The following SMARCAD1 variants were observed in gnomAD, a reference collection of about 807,000 sequenced individuals.
SMARCAD1 encodes SNF2 related chromatin remodeling ATPase with DExD box 1.
In SMARCAD1, 25 loss-of-function variants were observed where a neutral mutation model predicts 127.1. The observed-to-expected ratio is 0.20, with a 90% CI of 0.14 to 0.27. The LOEUF (loss-of-function observed/expected upper bound fraction) is 0.27. Among genes scored for constraint, SMARCAD1 ranks in the 10% least tolerant of loss-of-function variants. The pLI, the probability that SMARCAD1 is intolerant of heterozygous loss-of-function variation, is 1.00. For synonymous variants in SMARCAD1, 400 were observed against 396.9 expected, an observed-to-expected ratio of 1.01 and a Z score of -0.09; for missense variants, 807 against 1,206.0, an observed-to-expected ratio of 0.67 and a Z score of 4.90.
intron 2 of SMARCAD1, among the ~76,000 whole-genome samples, chr4:94,209,269 C>A (rs188211754): frequency 6.6e-6 from 1 of 152,316 alleles, no homozygotes; most frequent in East Asian, 1.9e-4. Flanking sequence ...ATAAGTGCTT[C>A]ACCTTCTGTC....
At chr4:94,210,552 A>G (rs1742040689) in intron 2 of SMARCAD1, among the ~76,000 whole-genome samples, 1 of 152,190 alleles carries the variant, frequency 6.6e-6, no homozygotes, top group African/African-American at 2.4e-5. Context: ...AATTGAGCTT[A>G]ATGATAGCGG....
intron 2 of SMARCAD1, among the ~76,000 whole-genome samples, chr4:94,210,237 C>T (rs1741981104): frequency 6.6e-6 from 1 of 152,114 alleles, no homozygotes; most frequent in Non-Finnish European, 1.5e-5. Context: ...CATGATCAGC[C>T]TTGATGGCTT....
At position 94,266,765 on chromosome 4, in the gene SMARCAD1, G is replaced by A. The variant is rs565406701; in HGVS notation, c.1481+1859G>A. 1.1e-4 allele frequency among the ~76,000 whole-genome samples: 17 copies of A among 152,210 alleles called. No individual in the cohort carries two copies. The South Asian group carries it at 1.9e-3, about 17-fold the overall frequency. On this transcript the variant is annotated intron_variant, in intron 10 of 23. Coordinates refer to ENST00000354268, the MANE Select transcript of SMARCAD1 (RefSeq NM_020159.5). ...CTAAACAGAACAAGTTCTTCATGAC[G>A]AAGTTTACTTTGCTACAAACTGTTG... is the stretch of plus-strand genomic sequence containing the variant.
chr4:94,208,261 T>C (rs768288875), intron 1 of SMARCAD1, 85 bp from the exon 2 acceptor site: 66 of 971,840 alleles, frequency 6.8e-5, no homozygotes, highest in Admixed American at 1.0e-4. Context: ...GCGGGCCCTT[T>C]ATTGCCTTGG....
chr4:94,222,714 A>G (rs7660243), intron 2 of SMARCAD1, among the ~76,000 whole-genome samples: 1 of 152,068 alleles, frequency 6.6e-6, no homozygotes, highest in Non-Finnish European at 1.5e-5. Flanking sequence ...TGTAATCCCA[A>G]CATTTCAGGA....
intron 9 of SMARCAD1, among the ~76,000 whole-genome samples, chr4:94,261,214 T>G (rs561737817): frequency 2.5e-4 from 38 of 152,328 alleles, no homozygotes; most frequent in African/African-American, 9.1e-4. Context: ...ATATATCCAC[T>G]TAGTATAATC....
intron 9 of SMARCAD1, among the ~76,000 whole-genome samples, chr4:94,254,009 A>G (rs999658388): frequency 6.6e-6 from 1 of 152,206 alleles, no homozygotes; most frequent in African/African-American, 2.4e-5. Context: ...AAACAAATCT[A>G]AATGAGCATT....
intron 2 of SMARCAD1, among the ~76,000 whole-genome samples, chr4:94,222,706 T>G (rs1744334537): frequency 6.6e-6 from 1 of 152,196 alleles, no homozygotes; most frequent in Admixed American, 6.5e-5. Context: ...CTCACACCTG[T>G]AATCCCAACA....
chr4:94,253,270 A>G (rs977121406), intron 9 of SMARCAD1: 1 of 1,450,854 alleles, frequency 6.9e-7, no homozygotes, highest in African/African-American at 1.4e-5. Context: ...TTGCATAGAA[A>G]CTTCGTTCAT....
Position 94,273,785 on chromosome 4 carries a change from A to T in SMARCAD1, c.1672+69A>T. 3.2e-6 allele frequency: 4 copies of T among 1,252,366 alleles called. No individual in the cohort carries two copies. The South Asian group carries it at 3.7e-5, about 12-fold the overall frequency. 77.6% of individuals were successfully genotyped at this position (1,252,366 alleles called of 1,614,324 possible). A position where few individuals can be genotyped will look rare whatever the true frequency, so the allele number is the denominator to read the frequency against. On this transcript the variant is annotated intron_variant, in intron 12 of 23. Transcript: ENST00000354268. ...TATATAGGTAGAAGAGAGTGTGTGT[A>T]AGGGTGTGTGTCGGAGGGGTGTTGT...
At chr4:94,241,129 G>A (rs1747515921) in intron 6 of SMARCAD1, 123 bp downstream of exon 6, 1 of 692,666 alleles carries the variant, frequency 1.4e-6, no homozygotes, top group African/African-American at 1.8e-5. Context: ...ACAACTAAGG[G>A]AATTTACGTC....
At chr4:94,272,049 C>T (rs980924742) in intron 11 of SMARCAD1, among the ~76,000 whole-genome samples, 1 of 152,124 alleles carries the variant, frequency 6.6e-6, no homozygotes, top group African/African-American at 2.4e-5. Flanking sequence ...ATGAGTGTAT[C>T]GGTAGCTTGC....
chr4:94,237,633 A>T (rs975726479), intron 5 of SMARCAD1, among the ~76,000 whole-genome samples: 1 of 152,134 alleles, frequency 6.6e-6, no homozygotes, highest in Non-Finnish European at 1.5e-5. Flanking sequence ...TTTCCTGCTT[A>T]TATACACTGG....
chr4:94,272,047 A>G (rs958720967), intron 11 of SMARCAD1, among the ~76,000 whole-genome samples: 2 of 152,192 alleles, frequency 1.3e-5, no homozygotes, highest in African/African-American at 4.8e-5. Context: ...AGATGAGTGT[A>G]TCGGTAGCTT....
intron 3 of SMARCAD1, among the ~76,000 whole-genome samples, chr4:94,229,016 G>A (rs1695042896): frequency 6.6e-6 from 1 of 152,020 alleles, no homozygotes; most frequent in Admixed American, 6.6e-5. Flanking sequence ...GTCGTCCTCA[G>A]TGTGTCATAT....
At chr4:94,258,143 C>T (rs1456556416) in intron 9 of SMARCAD1, among the ~76,000 whole-genome samples, 1 of 151,236 alleles carries the variant, frequency 6.6e-6, no homozygotes, top group Admixed American at 6.6e-5. Context: ...CTAAATTTCC[C>T]ATCAGATTTT....
chr4:94,231,162 GT>G (rs1309347447), intron 3 of SMARCAD1, among the ~76,000 whole-genome samples: 1 of 152,154 alleles, frequency 6.6e-6, no homozygotes, highest in Non-Finnish European at 1.5e-5. Flanking sequence ...GGAGAATGGG[GT>G]TTTTTGTTTG....
chr4:94,213,351 A>C (rs1221240297), intron 2 of SMARCAD1, among the ~76,000 whole-genome samples: 1 of 152,156 alleles, frequency 6.6e-6, no homozygotes, highest in Non-Finnish European at 1.5e-5. Context: ...CTGGGTGAAC[A>C]AATGATGAGA....
At chr4:94,232,666 A>C (rs1287612195) in intron 3 of SMARCAD1, among the ~76,000 whole-genome samples, 1 of 152,204 alleles carries the variant, frequency 6.6e-6, no homozygotes, top group Non-Finnish European at 1.5e-5. Context: ...TGAAATACGT[A>C]CACTGGCTAG....
Sources: gnomAD v4.1 joint callset for allele counts (sites outside exome capture counted in the v4.1 genomes callset) on GRCh38, gnomAD v4.1.1 for gene constraint, MANE v1.5 for transcripts, NCBI Gene and HGNC (gene_info 2026-07-23, HGNC 2026-07-21) for gene names.